PHF6: variants seen among roughly 807,000 people sequenced by gnomAD.
The protein encoded by PHF6 is PHD-like zinc finger protein.
Under a neutral mutation model 34.0 loss-of-function variants are expected in PHF6, and 7 were observed. The ratio of observed to expected loss-of-function variants is 0.21; its 90% CI spans 0.12 to 0.39. The LOEUF is 0.39. PHF6 is among the 10% of genes least tolerant of loss of function. The pLI is 1.00. For synonymous variants in PHF6, 89 were observed against 88.4 expected (o/e 1.01, Z -0.04); for missense variants, 128 against 262.8 (o/e 0.49, Z 3.55).
intron 3 of PHF6, among the ~76,000 whole-genome samples, chrX:134,382,747 T>C (rs2077313100): frequency 9.1e-6 from 1 of 109,418 alleles, no homozygotes; most frequent in Non-Finnish European, 1.9e-5. Flanking sequence ...TTTTGTATTT[T>C]TAGTAGAGAC....
At chrX:134,405,390 G>A (rs2077418762) in intron 5 of PHF6, among the ~76,000 whole-genome samples, 1 of 111,074 alleles carries the variant, frequency 9.0e-6, no homozygotes, top group Non-Finnish European at 1.9e-5. Flanking sequence ...GTAGAGACAG[G>A]GTTTTGCCAC....
chrX:134,382,568 T>TC (rs1285020640), intron 3 of PHF6, among the ~76,000 whole-genome samples: 2 of 99,563 alleles, frequency 2.0e-5, no homozygotes, highest in South Asian at 4.7e-4. Flanking sequence ...CTATTCTTCT[T>TC]TTTTTTTTTT....
At chrX:134,394,340 G>A in intron 5 of PHF6, among the ~76,000 whole-genome samples, 1 of 110,336 alleles carries the variant, frequency 9.1e-6, no homozygotes, top group East Asian at 2.8e-4. Context: ...CACTGTGTTG[G>A]CCAGGCTGGT....
chrX:134,422,367 T>C (rs1042119743), intron 9 of PHF6, among the ~76,000 whole-genome samples: 1 of 112,397 alleles, frequency 8.9e-6, no homozygotes, highest in South Asian at 3.6e-4. Context: ...ATATATGTAC[T>C]TGGATCCATA....
At chrX:134,423,853 T>C (rs62599408) in intron 9 of PHF6, among the ~76,000 whole-genome samples, 4,351 of 110,841 alleles carry the variant, frequency 0.039, 91 homozygotes, top group Non-Finnish European at 0.057. Context: ...TGTCGTCTTA[T>C]GTATAATAGA....
At chrX:134,382,036 C>T (rs920419539) in intron 3 of PHF6, among the ~76,000 whole-genome samples, 2 of 111,430 alleles carry the variant, frequency 1.8e-5, no homozygotes, top group Admixed American at 1.9e-4. Context: ...TTAAAGTGTA[C>T]GTATCAACAG....
At chrX:134,410,553 A>G (rs2077445693) in intron 5 of PHF6, among the ~76,000 whole-genome samples, 1 of 111,871 alleles carries the variant, frequency 8.9e-6, no homozygotes, top group African/African-American at 3.3e-5. Context: ...TTAATCTTGC[A>G]TGAGCTTATC....
intron 5 of PHF6, among the ~76,000 whole-genome samples, chrX:134,409,356 C>G (rs1469757674): frequency 1.8e-5 from 2 of 111,669 alleles, no homozygotes; most frequent in African/African-American, 6.5e-5. Flanking sequence ...TGGAGATTCT[C>G]TTCCACTGAT....
chrX:134,415,769 C>T (rs2077470580), intron 8 of PHF6, among the ~76,000 whole-genome samples: 1 of 111,059 alleles, frequency 9.0e-6, no homozygotes, highest in African/African-American at 3.3e-5. Context: ...CATCTTGCTT[C>T]ATCAGTTACC....
chrX:134,411,208 T>C (rs1199674936), intron 5 of PHF6, among the ~76,000 whole-genome samples: 2 of 111,372 alleles, frequency 1.8e-5, no homozygotes, highest in African/African-American at 6.5e-5. Context: ...CATGTTGGCC[T>C]CCCAAAGTAC....
chrX:134,390,011 G>A (rs1004497130), intron 3 of PHF6, among the ~76,000 whole-genome samples: 1 of 88,742 alleles, frequency 1.1e-5, no homozygotes, highest in Non-Finnish European at 2.1e-5. Flanking sequence ...TAAAATTTAT[G>A]TATTTATAAT....
Position 134,401,939 on chromosome X carries a change from C to G in PHF6, c.418+7987C>G, listed in dbSNP as rs1227506477. Among the ~76,000 whole-genome samples, 3 of 110,511 alleles carry G rather than the reference C, an allele frequency of 2.7e-5. No individual in the cohort carries two copies. The Admixed American group carries it at 2.9e-4, about 11-fold the overall frequency. On this transcript the variant is annotated intron_variant, in intron 5 of 10. Transcript: ENST00000370803. Reference sequence around the variant, plus strand: ...TGTTATAATTTATGTAGATTTGAAGCCTTTACCTGCTTTAATATTCACTTA... The same window carrying G: ...TGTTATAATTTATGTAGATTTGAAGGCTTTACCTGCTTTAATATTCACTTA...
intron 3 of PHF6, among the ~76,000 whole-genome samples, chrX:134,390,342 C>T (rs944588505): frequency 2.7e-5 from 3 of 111,693 alleles, no homozygotes; most frequent in East Asian, 5.6e-4. Context: ...GTTTCCACTC[C>T]GAAAATATTT....
chrX:134,404,125 T>C (rs1382521662), intron 5 of PHF6, among the ~76,000 whole-genome samples: 1 of 112,353 alleles, frequency 8.9e-6, no homozygotes. Context: ...ACATAGTGAT[T>C]TCTGTGATGA....
chrX:134,408,429 A>G (rs1489438030), intron 5 of PHF6, among the ~76,000 whole-genome samples: 1 of 111,660 alleles, frequency 9.0e-6, no homozygotes, highest in African/African-American at 3.3e-5. Context: ...GTGGCTTCTG[A>G]AACTGTTTAC....
At chrX:134,409,759 G>T (rs1204925366) in intron 5 of PHF6, among the ~76,000 whole-genome samples, 4 of 109,082 alleles carry the variant, frequency 3.7e-5, no homozygotes, top group Non-Finnish European at 7.6e-5. Context: ...CATTACCCAG[G>T]TACTGGGCAT....
At chrX:134,373,930 G>A (rs1267554445) in intron 1 of PHF6, among the ~76,000 whole-genome samples, 1 of 105,075 alleles carries the variant, frequency 9.5e-6, no homozygotes, top group African/African-American at 3.5e-5. Context: ...AAGACTGTGA[G>A]AGGGCTAACT....
At chrX:134,390,016 T>C (rs1367579778) in intron 3 of PHF6, among the ~76,000 whole-genome samples, 2 of 110,408 alleles carry the variant, frequency 1.8e-5, no homozygotes, top group Non-Finnish European at 3.8e-5. Context: ...TTTATGTATT[T>C]ATAATCAGCC....
intron 1 of PHF6, among the ~76,000 whole-genome samples, chrX:134,376,552 C>T (rs1370204688): frequency 9.0e-6 from 1 of 111,173 alleles, no homozygotes; most frequent in Non-Finnish European, 1.9e-5. Context: ...CTTTTTTTGA[C>T]TACACTGTAC....
Sources: gnomAD v4.1 joint callset for allele counts (sites outside exome capture counted in the v4.1 genomes callset) on GRCh38, gnomAD v4.1.1 for gene constraint, MANE v1.5 for transcripts, NCBI Gene and HGNC (gene_info 2026-07-23, HGNC 2026-07-21) for gene names.